The following ITGA11 variants were observed in gnomAD, a reference collection of about 807,000 sequenced individuals.
ITGA11 encodes the protein integrin subunit alpha 11, also known as integrin alpha-11.
ITGA11 carries 97 observed loss-of-function variants against 141.9 expected under a neutral mutation model. The ratio of observed to expected loss-of-function variants is 0.68; its 90% CI spans 0.58 to 0.81. The LOEUF (loss-of-function observed/expected upper bound fraction) is 0.81, where lower values mean the gene tolerates loss of function less well. Ranked by LOEUF, ITGA11 falls within the 30% of genes least tolerant of loss-of-function variation. ITGA11 has a pLI of 0.00. For missense variants in ITGA11, 1,387 were observed against 1,559.2 expected, an observed-to-expected ratio of 0.89 and a Z score of 1.86; for synonymous variants, 658 against 624.6, an observed-to-expected ratio of 1.05 and a Z score of -0.80.
intron 10 of ITGA11, among the ~76,000 whole-genome samples, chr15:68,346,846 T>C (rs1197170109): frequency 6.6e-6 from 1 of 152,310 alleles, no homozygotes; most frequent in South Asian, 2.1e-4. Flanking sequence ...TGGTTAACAT[T>C]AGACATGTGC....
chr15:68,320,594 C>A lies in ITGA11; in HGVS notation c.2409-202G>T, dbSNP rs896399162. Among the ~76,000 whole-genome samples, 36 of 152,184 alleles carry A rather than the reference C, an allele frequency of 2.4e-4. 1 individual carries two copies. The highest frequency in any genetic ancestry group is 5.1e-4 in the Non-Finnish European group (35 of 68,046). On this transcript the variant is annotated intron_variant, in intron 19 of 29. Transcript: ENST00000315757. ...TCAAGACCACTTCCTATTTCAAAGGCCCTTGGTGTCCCCACCATAGAGATC... is the reference window on the plus strand; with the variant it reads ...TCAAGACCACTTCCTATTTCAAAGGACCTTGGTGTCCCCACCATAGAGATC...
intron 24 of ITGA11, among the ~76,000 whole-genome samples, chr15:68,312,399 T>C (rs1199177432): frequency 6.6e-6 from 1 of 152,164 alleles, no homozygotes; most frequent in Non-Finnish European, 1.5e-5. Flanking sequence ...TGGAGGCTGG[T>C]AAGTTCACGC....
Position 68,333,623 on chromosome 15 carries a change from A to G in ITGA11, c.1426-1145T>C, listed in dbSNP as rs1341335796. ...AGCAAGTGCTACGTGGTGGGTGCCA[A>G]TTCACCAACTGCTCCCCCCTGCTTC... On this transcript the variant is annotated intron_variant, in intron 12 of 29. Transcript: ENST00000315757. This position sits in a 1 kb window ranked among gnomAD's most constrained non-coding sequence, Gnocchi z 4.2. Among the ~76,000 whole-genome samples, 4 of 152,012 alleles carry G rather than the reference A, an allele frequency of 2.6e-5. No individual in the cohort carries two copies. Among genetic ancestry groups the G allele is most frequent in the Admixed American group, 6.5e-5 (1 of 15,274 alleles).
At position 68,333,458 on chromosome 15, in the gene ITGA11, T is replaced by C. The variant is rs1894243934; in HGVS notation, c.1426-980A>G. 1.3e-5 allele frequency among the ~76,000 whole-genome samples: 2 copies of C among 152,228 alleles called. No homozygotes were observed. Among genetic ancestry groups the C allele is most frequent in the African/African-American group, 2.4e-5 (1 of 41,454 alleles). On this transcript the variant is annotated intron_variant, in intron 12 of 29. Coordinates refer to ENST00000315757, the MANE Select transcript of ITGA11 (RefSeq NM_001004439.2). This position sits in a 1 kb window ranked among gnomAD's most constrained non-coding sequence, Gnocchi z 4.2. ...CGTGGATGGTGAATTATGATTTCTT[T>C]CAGTGTCTGAGCACTTGCTGTGTTC...
At chr15:68,404,129 G>A (rs1896580682) in intron 1 of ITGA11, among the ~76,000 whole-genome samples, 1 of 151,358 alleles carries the variant, frequency 6.6e-6, no homozygotes. Flanking sequence ...CCTCTCTCCT[G>A]CTCTCCCTTC....
In ITGA11 at chr15:68,331,004, G is replaced by T; in HGVS notation, c.1878C>A (p.Ala626=). The T allele has an allele frequency of 1.2e-6, 2 of 1,613,810 alleles. No homozygotes were observed. Among genetic ancestry groups the T allele is most frequent in the Non-Finnish European group, 1.7e-6 (2 of 1,179,834 alleles). ...EDGLIDLAVG[A]LGNAVILWSR... ...ACCACAGAATCACAGCGTTGCCAAGGGCTCCCACTGCCAGGTCGATGAGCC... is the reference window on the plus strand; with the variant it reads ...ACCACAGAATCACAGCGTTGCCAAGTGCTCCCACTGCCAGGTCGATGAGCC... The change falls in exon 15 of 30, where the codon GCC becomes GCA. Residue 626 remains alanine, a synonymous_variant. Transcript: ENST00000315757.
At chr15:68,363,417 C>A (rs896583308) in intron 4 of ITGA11, among the ~76,000 whole-genome samples, 4 of 152,168 alleles carry the variant, frequency 2.6e-5, no homozygotes, top group Non-Finnish European at 5.9e-5. Context: ...CCTGCTTTGC[C>A]TCTGGTTATG....
intron 2 of ITGA11, among the ~76,000 whole-genome samples, chr15:68,386,325 A>G (rs912525178): frequency 2.8e-4 from 42 of 152,186 alleles, no homozygotes; most frequent in African/African-American, 9.9e-4. Context: ...CTTCTAAGCC[A>G]GGCAAGCTGC....
Position 68,326,589 on chromosome 15 carries a change from C to T in ITGA11, c.2211+65G>A. On this transcript the variant is annotated intron_variant, in intron 17 of 29. Transcript: ENST00000315757. The surrounding 1 kb of genome is among the most constrained non-coding windows in gnomAD (Gnocchi z 6.8). ...AGAACCAGCCAGGCAGACTCTCTGCCTCTCCCACGGCAGATGCTCCTTCCT... is the reference window on the plus strand; with the variant it reads ...AGAACCAGCCAGGCAGACTCTCTGCTTCTCCCACGGCAGATGCTCCTTCCT... The T allele has an allele frequency of 6.7e-7, 1 of 1,498,164 alleles. No individual in the cohort carries two copies. The highest frequency in any genetic ancestry group is 9.0e-7 in the Non-Finnish European group (1 of 1,115,216). 92.8% of individuals were successfully genotyped at this position (1,498,164 alleles called of 1,614,324 possible).
chr15:68,342,011 T>C (rs1026663370), intron 10 of ITGA11, among the ~76,000 whole-genome samples: 25 of 152,214 alleles, frequency 1.6e-4, no homozygotes, highest in South Asian at 6.2e-4. Flanking sequence ...GAATTTGTTG[T>C]GGCCAGGGAG....
At chr15:68,361,769 C>G (rs1567144513) in intron 4 of ITGA11, 65 bp from the exon 5 acceptor site, 1 of 1,107,034 alleles carries the variant, frequency 9.0e-7, no homozygotes, top group Non-Finnish European at 1.3e-6. Flanking sequence ...GGTCCAATGG[C>G]CTGAGGCCCA....
At chr15:68,313,405 T>C (rs1377965548) in intron 23 of ITGA11, among the ~76,000 whole-genome samples, 1 of 152,162 alleles carries the variant, frequency 6.6e-6, no homozygotes, top group Non-Finnish European at 1.5e-5. Flanking sequence ...TGGCATAATA[T>C]GATAACAAAA....
chr15:68,314,658 G>A (rs1169435498), intron 22 of ITGA11, among the ~76,000 whole-genome samples: 6 of 152,136 alleles, frequency 3.9e-5, no homozygotes, highest in Non-Finnish European at 7.3e-5. Context: ...CTCTGCAAGC[G>A]CGCTCATTTC....
rs1281961841 is a variant in ITGA11, at chr15:68,307,088, C to T, written c.3381+260G>A. ...TTACGCAACTAACAGAGGCTGATAC[C>T]GAGGCATCTCCCATCCTTTGGTCTT... On this transcript the variant is annotated intron_variant, in intron 28 of 29. Transcript: ENST00000315757. The surrounding 1 kb of genome is among the most constrained non-coding windows in gnomAD (Gnocchi z 6.1). Among the ~76,000 whole-genome samples the T allele has an allele frequency of 6.6e-6, 1 of 152,100 alleles. No homozygotes were observed. The highest frequency in any genetic ancestry group is 1.9e-4 in the East Asian group (1 of 5,194).
At chr15:68,400,490 A>G (rs1462333763) in intron 2 of ITGA11, among the ~76,000 whole-genome samples, 6 of 138,228 alleles carry the variant, frequency 4.3e-5, no homozygotes. Context: ...CAAGCCATAG[A>G]CTGGGAACAG....
chr15:68,314,530 C>T (rs1893504609), intron 22 of ITGA11, among the ~76,000 whole-genome samples: 1 of 152,102 alleles, frequency 6.6e-6, no homozygotes, highest in Non-Finnish European at 1.5e-5. Flanking sequence ...GAAGCCTTAC[C>T]CCAGGATAGG....
intron 24 of ITGA11, 64 bp downstream of exon 24, chr15:68,312,709 C>A (rs1414125110): frequency 4.1e-6 from 5 of 1,221,468 alleles, no homozygotes; most frequent in South Asian, 2.6e-5. Context: ...ACATTCCTCC[C>A]CTCCAGGATG....
chr15:68,387,805 G>A (rs966559743), intron 2 of ITGA11, among the ~76,000 whole-genome samples: 2 of 151,924 alleles, frequency 1.3e-5, no homozygotes, highest in Non-Finnish European at 2.9e-5. Flanking sequence ...ACCCACCTTC[G>A]TCTTCCTCAC....
chr15:68,331,742 G>A lies in ITGA11; in HGVS notation c.1770+117C>T, dbSNP rs1894164044. 6.6e-5 allele frequency: 60 copies of A among 905,498 alleles called. No individual in the cohort carries two copies. The South Asian group carries it at 7.4e-4, about 11-fold the overall frequency. The allele number at this position is 905,498 out of a possible 1,614,324, so 56.1% of individuals were successfully genotyped here. ...GCATGGCCAGGACAGATTGGCATCC[G>A]TTTCTGTGAGAGGGCCTGGAAGAAA... is the stretch of plus-strand genomic sequence containing the variant. On this transcript the variant is annotated intron_variant, in intron 14 of 29. Coordinates refer to ENST00000315757, the MANE Select transcript of ITGA11 (RefSeq NM_001004439.2).
Sources: allele counts gnomAD v4.1 joint callset (sites outside exome capture counted in the v4.1 genomes callset), GRCh38; gene constraint gnomAD v4.1.1; non-coding constraint Gnocchi (gnomAD v3.1); transcripts MANE v1.5; gene names NCBI Gene and HGNC (gene_info 2026-07-23, HGNC 2026-07-21).